The following SUCLA2 variants were observed in gnomAD, a reference collection of about 807,000 sequenced individuals.
SUCLA2 encodes the protein succinate--CoA ligase [ADP-forming] subunit beta, mitochondrial.
Under a neutral mutation model 54.8 loss-of-function variants are expected in SUCLA2, and 30 were observed. The ratio of observed to expected loss-of-function variants is 0.55; its 90% CI spans 0.41 to 0.74. The LOEUF is 0.74. Among genes scored for constraint, SUCLA2 ranks in the 30% least tolerant of loss-of-function variants. The probability of loss-of-function intolerance (pLI) is 0.00; values close to 1 mark genes in which losing one functional copy is unlikely to be tolerated. For synonymous variants in SUCLA2, 172 were observed against 188.9 expected (o/e 0.91, Z 0.74); for missense variants, 476 against 562.9 (o/e 0.85, Z 1.56).
intron 5 of SUCLA2, among the ~76,000 whole-genome samples, chr13:47,972,325 A>AT (rs1949973642): frequency 6.6e-6 from 1 of 152,130 alleles, no homozygotes; most frequent in Non-Finnish European, 1.5e-5. Flanking sequence ...TAAATGAAAA[A>AT]TTGATTTGAA....
chr13:47,994,886 T>G (rs1319526842), intron 2 of SUCLA2: 1 of 984,250 alleles, frequency 1.0e-6, no homozygotes, highest in African/African-American at 1.7e-5. Flanking sequence ...TATTATTTCT[T>G]TCTTCTGTAC....
rs1395354151 is a variant in SUCLA2, at chr13:48,000,959, G to A, written c.90+221C>T. The stretch of plus-strand genomic sequence containing the variant: ...CAGGAGCAGCCACGGCCGGGCCGCC[G>A]GGGATCCTCGCGGACTAAGGGCTGG... On this transcript the variant is annotated intron_variant, in intron 1 of 10. Coordinates refer to ENST00000646932, the MANE Select transcript of SUCLA2 (RefSeq NM_003850.3). 7.8e-6 allele frequency: 11 copies of A among 1,407,814 alleles called. No homozygotes were observed. In the East Asian group the frequency reaches 2.4e-4, roughly 30 times the overall value. The allele number at this position is 1,407,814 out of a possible 1,614,324, so 87.2% of individuals were successfully genotyped here.
Position 47,996,978 on chromosome 13 carries a change from G to A in SUCLA2, c.136C>T (p.Gln46Ter). ...GAGAGATTCCTTTGCTGTTGCTGCT[G>A]TACTTGGAGTCCATGGTTATTAAAC... ...GLFNNHGLQVQQQQQRNLSLH... is the reference protein window; with the variant it reads ...GLFNNHGLQV The change falls in exon 2 of 11, where the codon CAG (glutamine) becomes TAG (stop). Residue 46 changes from glutamine (Q) to a stop codon, truncating the protein, a stop_gained. Coordinates refer to ENST00000646932, the MANE Select transcript of SUCLA2 (RefSeq NM_003850.3). LOFTEE classifies it high-confidence loss of function. 6.2e-7 allele frequency: 1 copy of A among 1,614,070 alleles called. No individual in the cohort carries two copies. The highest frequency in any genetic ancestry group is 8.5e-7 in the Non-Finnish European group (1 of 1,180,002).
chr13:47,964,699 T>C (rs570888334), intron 6 of SUCLA2, among the ~76,000 whole-genome samples: 406 of 152,038 alleles, frequency 2.7e-3, no homozygotes, highest in Non-Finnish European at 5.1e-3. Context: ...CTACTAAAAA[T>C]ACAAAAAATT....
At chr13:47,990,543 T>C (rs1460660434) in intron 2 of SUCLA2, among the ~76,000 whole-genome samples, 5 of 152,302 alleles carry the variant, frequency 3.3e-5, no homozygotes, top group African/African-American at 9.6e-5. Context: ...TTGCCTCTCA[T>C]AGCATTTTGC....
intron 4 of SUCLA2, among the ~76,000 whole-genome samples, chr13:47,985,199 T>C (rs946687155): frequency 1.3e-5 from 2 of 152,236 alleles, no homozygotes; most frequent in South Asian, 4.1e-4. Context: ...TTTTCTGTTT[T>C]GTTTTAGTTT....
intron 5 of SUCLA2, among the ~76,000 whole-genome samples, chr13:47,970,098 T>C (rs1393363709): frequency 1.0e-5 from 1 of 95,386 alleles, no homozygotes; most frequent in Non-Finnish European, 2.4e-5. Flanking sequence ...TGAGACTCTG[T>C]CTCCCCCCCA....
At chr13:47,954,101 A>C (rs1949798446) in intron 8 of SUCLA2, 39 bp downstream of exon 8, 1 of 1,493,492 alleles carries the variant, frequency 6.7e-7, no homozygotes, top group African/African-American at 1.4e-5. Context: ...TATTTTATAT[A>C]TTTACATGAT....
intron 2 of SUCLA2, among the ~76,000 whole-genome samples, chr13:47,990,895 G>A (rs993834233): frequency 6.6e-6 from 1 of 152,196 alleles, no homozygotes; most frequent in African/African-American, 2.4e-5. Context: ...AATTACTGAT[G>A]TAAGCCTTCA....
intron 8 of SUCLA2, among the ~76,000 whole-genome samples, chr13:47,951,143 G>A (rs537552455): frequency 3.3e-5 from 5 of 152,140 alleles, no homozygotes; most frequent in Non-Finnish European, 5.9e-5. Flanking sequence ...CAATTTAAAC[G>A]AATTACTACC....
chr13:47,959,405 A>T (rs1297553693), intron 6 of SUCLA2, among the ~76,000 whole-genome samples: 1 of 146,970 alleles, frequency 6.8e-6, no homozygotes, highest in African/African-American at 2.5e-5. Context: ...AATAAGAAAG[A>T]AGAAGGGAGA....
chr13:47,953,143 A>C (rs1305669356), intron 8 of SUCLA2, among the ~76,000 whole-genome samples: 2 of 152,006 alleles, frequency 1.3e-5, no homozygotes, highest in Non-Finnish European at 2.9e-5. Context: ...CCACATTGAC[A>C]CCCTGGGTTA....
intron 2 of SUCLA2, among the ~76,000 whole-genome samples, chr13:47,990,876 C>T (rs1384236513): frequency 6.6e-6 from 1 of 152,184 alleles, no homozygotes; most frequent in African/African-American, 2.4e-5. Flanking sequence ...TTTAAAAGAA[C>T]ATTTAGAAAA....
chr13:47,973,640 A>G (rs887443095), intron 4 of SUCLA2, among the ~76,000 whole-genome samples: 6 of 152,212 alleles, frequency 3.9e-5, no homozygotes, highest in African/African-American at 1.4e-4. Flanking sequence ...AAATAGATTT[A>G]AAATATACAC....
chr13:47,980,958 A>AG (rs1003763879), intron 4 of SUCLA2, among the ~76,000 whole-genome samples: 27 of 147,730 alleles, frequency 1.8e-4, no homozygotes, highest in African/African-American at 5.9e-4. Context: ...AAAATAGATT[A>AG]AAGACCTAAA....
At chr13:47,972,914 A>AT (rs201223641) in intron 5 of SUCLA2, among the ~76,000 whole-genome samples, 9,971 of 150,224 alleles carry the variant, frequency 0.066, 631 homozygotes, top group East Asian at 0.17. Context: ...TGCCCGGCTA[A>AT]TTTTTTTTGT....
chr13:47,992,740 G>T (rs1950159649), intron 2 of SUCLA2, among the ~76,000 whole-genome samples: 1 of 152,098 alleles, frequency 6.6e-6, no homozygotes, highest in African/African-American at 2.4e-5. Flanking sequence ...TTGTATACAG[G>T]TATCTAACTA....
At chr13:47,988,397 G>T in intron 4 of SUCLA2, 144 bp downstream of exon 4, 1 of 879,798 alleles carries the variant, frequency 1.1e-6, no homozygotes, top group South Asian at 1.9e-5. Flanking sequence ...TTTTTTAAAT[G>T]ACATAAATAT....
intron 10 of SUCLA2, among the ~76,000 whole-genome samples, chr13:47,946,203 T>G (rs1385916672): frequency 6.6e-6 from 1 of 152,228 alleles, no homozygotes; most frequent in Non-Finnish European, 1.5e-5. Context: ...TTAGTTGTTG[T>G]TAATCTGTTA....
Sources: allele counts gnomAD v4.1 joint callset (sites outside exome capture counted in the v4.1 genomes callset), GRCh38; gene constraint gnomAD v4.1.1; transcripts MANE v1.5; gene names NCBI Gene and HGNC (gene_info 2026-07-23, HGNC 2026-07-21).